The following PIEZO2 variants were observed in gnomAD, a reference collection of about 807,000 sequenced individuals.
PIEZO2 encodes piezo-type mechanosensitive ion channel component 2.
A neutral mutation model predicts 337.3 loss-of-function variants in PIEZO2; 172 were observed. The ratio of observed to expected loss-of-function variants is 0.51; its 90% CI spans 0.45 to 0.58. The LOEUF is 0.58. PIEZO2 is among the 20% of genes least tolerant of loss of function. The pLI, the probability that PIEZO2 is intolerant of heterozygous loss-of-function variation, is 0.00. For synonymous variants in PIEZO2, 1,251 were observed against 1,228.5 expected (o/e 1.02, Z -0.38); for missense variants, 3,028 against 3,391.3 (o/e 0.89, Z 2.66).
In PIEZO2 at chr18:11,002,580, C is replaced by A. The variant is rs1482887799; in HGVS notation, c.161-22920G>T. On this transcript the variant is annotated intron_variant, in intron 2 of 55. Coordinates refer to ENST00000674853, the MANE Select transcript of PIEZO2 (RefSeq NM_001378183.1). The surrounding 1 kb of genome is among the most constrained non-coding windows in gnomAD (Gnocchi z 4.3). ...CACACTTTCACTTTCTCTAATTTCA[C>A]CATTTCCAGAAGGAAATTGGAAAAA... Among the ~76,000 whole-genome samples the A allele has an allele frequency of 1.3e-5, 2 of 152,158 alleles. No individual in the cohort carries two copies. Among genetic ancestry groups the A allele is most frequent in the Admixed American group, 6.5e-5 (1 of 15,276 alleles).
intron 36 of PIEZO2, among the ~76,000 whole-genome samples, chr18:10,721,302 A>C (rs1462820710): frequency 6.6e-6 from 1 of 152,242 alleles, no homozygotes; most frequent in Non-Finnish European, 1.5e-5. Flanking sequence ...CACATATGAC[A>C]ACAGCTGGCA....
intron 4 of PIEZO2, among the ~76,000 whole-genome samples, chr18:10,883,828 T>TTTTTTTTTTTTG (rs1598626308): frequency 6.7e-6 from 1 of 150,274 alleles, no homozygotes; most frequent in Admixed American, 6.6e-5. Context: ...TTTTTTTTTT[T>TTTTTTTTTTTTG]GAGACAGAGT....
rs144528471 is a variant in PIEZO2 at position 11,105,770 on chromosome 18, A to T, written c.65-39548T>A. On this transcript the variant is annotated intron_variant, in intron 1 of 55. Coordinates refer to ENST00000674853, the MANE Select transcript of PIEZO2 (RefSeq NM_001378183.1). The surrounding 1 kb of genome is among the most constrained non-coding windows in gnomAD (Gnocchi z 4.3). ...AAAGCTCCGTAACCATATAAAAGTT[A>T]TATTATAAAAGATAAGCAAAATTAC... Among the ~76,000 whole-genome samples the T allele has an allele frequency of 6.6e-6, 1 of 152,148 alleles. No homozygotes were observed. The highest frequency in any genetic ancestry group is 2.4e-5 in the African/African-American group (1 of 41,450).
intron 4 of PIEZO2, among the ~76,000 whole-genome samples, chr18:10,898,296 C>T (rs1347592455): frequency 6.6e-6 from 1 of 152,148 alleles, no homozygotes; most frequent in African/African-American, 2.4e-5. Context: ...TGGCAGGTGC[C>T]TGTAGTCCCA....
At chr18:10,722,623 C>T (rs2036366842) in intron 36 of PIEZO2, among the ~76,000 whole-genome samples, 1 of 152,104 alleles carries the variant, frequency 6.6e-6, no homozygotes, top group Non-Finnish European at 1.5e-5. Flanking sequence ...ATTGCTTAGA[C>T]CACATATACC....
At chr18:10,976,497 G>A (rs1439396495) in intron 3 of PIEZO2, among the ~76,000 whole-genome samples, 2 of 152,062 alleles carry the variant, frequency 1.3e-5, no homozygotes, top group Non-Finnish European at 2.9e-5. Flanking sequence ...ACTGGAACTT[G>A]AAATTGGAAC....
Position 10,827,275 on chromosome 18 carries a change from T to C in PIEZO2, c.918-20001A>G, listed in dbSNP as rs1388249158. 2.0e-5 allele frequency among the ~76,000 whole-genome samples: 3 copies of C among 152,220 alleles called. No individual in the cohort carries two copies. In the East Asian group the frequency reaches 5.8e-4, roughly 29 times the overall value. On this transcript the variant is annotated intron_variant, in intron 7 of 55. Transcript: ENST00000674853. The stretch of plus-strand genomic sequence containing the variant: ...TGCATCGCCACTATAATTTTAAAGG[T>C]TCTTTTTAAAAGTATGCCATTTTCT...
rs2039773808 is a variant in PIEZO2 at position 11,112,756 on chromosome 18, C to T, written c.64+35769G>A. Among the ~76,000 whole-genome samples, 1 of 152,174 alleles carries T rather than the reference C, an allele frequency of 6.6e-6. No homozygotes were observed. Among genetic ancestry groups the T allele is most frequent in the African/African-American group, 2.4e-5 (1 of 41,444 alleles). ...TTGAGAAATGCATAATGCCACAGGA[C>T]TGAACTGAAAATGTGGGCTCCTTCT... On this transcript the variant is annotated intron_variant, in intron 1 of 55. Transcript: ENST00000674853. The surrounding 1 kb of genome is among the most constrained non-coding windows in gnomAD (Gnocchi z 4.3).
In PIEZO2 at chr18:10,985,945, G is replaced by A. The variant is rs1170616158; in HGVS notation, c.161-6285C>T. On this transcript the variant is annotated intron_variant, in intron 2 of 55. Coordinates refer to ENST00000674853, the MANE Select transcript of PIEZO2 (RefSeq NM_001378183.1). Reference sequence around the variant, plus strand: ...ATTAAAATATATAGGGTAGCCGAATGGATAAAAAAAAATCCAGCTATACAC... The same window carrying A: ...ATTAAAATATATAGGGTAGCCGAATAGATAAAAAAAAATCCAGCTATACAC... Among the ~76,000 whole-genome samples, 3 of 151,674 alleles carry A rather than the reference G, an allele frequency of 2.0e-5. No homozygotes were observed. In the East Asian group the frequency reaches 5.8e-4, roughly 29 times the overall value.
At chr18:10,805,507 A>C (rs972129874) in intron 8 of PIEZO2, among the ~76,000 whole-genome samples, 4 of 152,064 alleles carry the variant, frequency 2.6e-5, no homozygotes, top group African/African-American at 9.7e-5. Context: ...CAAGAGTGAA[A>C]CTCCATCTCA....
chr18:10,907,828 A>C (rs1238578772), intron 4 of PIEZO2, among the ~76,000 whole-genome samples: 1 of 152,288 alleles, frequency 6.6e-6, no homozygotes, highest in Non-Finnish European at 1.5e-5. Flanking sequence ...GATTGAAACC[A>C]ACATTTGATA....
At chr18:11,000,712 C>T (rs140102269) in intron 2 of PIEZO2, among the ~76,000 whole-genome samples, 2,304 of 152,286 alleles carry the variant, frequency 0.015, 31 homozygotes, top group Admixed American at 0.035. Flanking sequence ...CAGTGTCTGT[C>T]CTAGGCTGGC....
chr18:10,807,775 A>AAAT (rs2040046918), intron 7 of PIEZO2, among the ~76,000 whole-genome samples: 1 of 53,960 alleles, frequency 1.9e-5, no homozygotes. Flanking sequence ...CATGAAAGTC[A>AAAT]AATATACAGT....
At chr18:10,857,342 C>G (rs759902836) in intron 5 of PIEZO2, 131 bp from the exon 6 acceptor site, 3 of 722,664 alleles carry the variant, frequency 4.2e-6, no homozygotes, top group East Asian at 5.4e-5. Context: ...GGGAAGACAA[C>G]CAGTTCATTC....
chr18:10,873,469 T>G (rs1162321999), intron 4 of PIEZO2, among the ~76,000 whole-genome samples: 3 of 152,168 alleles, frequency 2.0e-5, no homozygotes, highest in Non-Finnish European at 2.9e-5. Context: ...CCAATCTTCC[T>G]TCTATACATG....
Position 11,035,913 on chromosome 18 carries a change from C to T in PIEZO2, c.160+30214G>A, listed in dbSNP as rs7231848. Among the ~76,000 whole-genome samples the T allele has an allele frequency of 0.013, 2,009 of 152,322 alleles. 58 individuals are homozygous for T. Among genetic ancestry groups the T allele is most frequent in the African/African-American group, 0.045 (1,890 of 41,556 alleles). ...CAGAGGAATGAACTCCAAATCTCTG[C>T]CACTTCCTATGTTTGCTTGTTAGCA... On this transcript the variant is annotated intron_variant, in intron 2 of 55. Transcript: ENST00000674853. The surrounding 1 kb of genome is among the most constrained non-coding windows in gnomAD (Gnocchi z 4.3).
chr18:11,144,584 CTAATATA>C (rs2040759346), intron 1 of PIEZO2, among the ~76,000 whole-genome samples: 1 of 152,158 alleles, frequency 6.6e-6, no homozygotes, highest in Non-Finnish European at 1.5e-5. Flanking sequence ...ATAGCCATAT[CTAATATA>C]TTTCAAAAAT....
chr18:10,927,972 A>G (rs2031847974), intron 3 of PIEZO2, among the ~76,000 whole-genome samples: 1 of 152,210 alleles, frequency 6.6e-6, no homozygotes, highest in Non-Finnish European at 1.5e-5. Context: ...GACGTGGATT[A>G]ATGTATTTAG....
chr18:10,941,786 T>A (rs113538117), intron 3 of PIEZO2, among the ~76,000 whole-genome samples: 1 of 152,138 alleles, frequency 6.6e-6, no homozygotes, highest in African/African-American at 2.4e-5. Context: ...AAGGTTGAAA[T>A]GTAAATAGGA....
Sources: allele counts gnomAD v4.1 joint callset (sites outside exome capture counted in the v4.1 genomes callset), GRCh38; gene constraint gnomAD v4.1.1; non-coding constraint Gnocchi (gnomAD v3.1); transcripts MANE v1.5; gene names NCBI Gene and HGNC (gene_info 2026-07-23, HGNC 2026-07-21).